Variants in ASTN1 observed in about 807,000 individuals in gnomAD.
ASTN1 encodes astrotactin 1.
A neutral mutation model predicts 140.7 loss-of-function variants in ASTN1; 41 were observed. That is an observed-to-expected ratio of 0.29 (90% CI 0.23 to 0.38). The LOEUF (loss-of-function observed/expected upper bound fraction) is 0.38. Among genes scored for constraint, ASTN1 ranks in the 10% least tolerant of loss-of-function variants. The probability of loss-of-function intolerance (pLI) is 1.00; values close to 1 mark genes in which losing one functional copy is unlikely to be tolerated. For synonymous variants in ASTN1, 640 were observed against 652.2 expected, an observed-to-expected ratio of 0.98 and a Z score of 0.29; for missense variants, 1,479 against 1,678.8, an observed-to-expected ratio of 0.88 and a Z score of 2.08.
At chr1:176,939,044 G>T (rs1315852643) in intron 14 of ASTN1, among the ~76,000 whole-genome samples, 1 of 151,954 alleles carries the variant, frequency 6.6e-6, no homozygotes, top group Non-Finnish European at 1.5e-5. Context: ...CCCAGGGGGC[G>T]GAGGTTGCAG....
At chr1:177,127,048 A>G (rs1681690176) in intron 1 of ASTN1, among the ~76,000 whole-genome samples, 1 of 152,204 alleles carries the variant, frequency 6.6e-6, no homozygotes, top group South Asian at 2.1e-4. Context: ...TAAGCATAAA[A>G]GGCTTTTAGA....
rs574616316 is a variant in ASTN1, at chr1:177,052,481, G to T, written c.471+8597C>A. Among the ~76,000 whole-genome samples, 4 of 152,260 alleles carry T rather than the reference G, an allele frequency of 2.6e-5. No homozygotes were observed. In the South Asian group the frequency reaches 8.3e-4, roughly 32 times the overall value. Reference sequence around the variant, plus strand: ...TGAGTTTAGAGTGATTAAGCAATTTGTCCAAGGTCAACAAAAAGATCGAGT... The same window carrying T: ...TGAGTTTAGAGTGATTAAGCAATTTTTCCAAGGTCAACAAAAAGATCGAGT... On this transcript the variant is annotated intron_variant, in intron 2 of 22. Transcript: ENST00000361833.
intron 8 of ASTN1, among the ~76,000 whole-genome samples, chr1:176,992,367 G>A (rs1024388666): frequency 5.9e-5 from 9 of 151,774 alleles, no homozygotes; most frequent in Non-Finnish European, 1.0e-4. Flanking sequence ...TGGAGGAGAT[G>A]AGCGAATATT....
intron 8 of ASTN1, among the ~76,000 whole-genome samples, chr1:177,004,317 T>C (rs1214030474): frequency 6.6e-6 from 1 of 151,848 alleles, no homozygotes; most frequent in Non-Finnish European, 1.5e-5. Flanking sequence ...AAAGAAATCA[T>C]ACAAGACACA....
chr1:176,983,272 G>GA (rs1232895680), intron 8 of ASTN1, among the ~76,000 whole-genome samples: 1 of 152,122 alleles, frequency 6.6e-6, no homozygotes, highest in African/African-American at 2.4e-5. Flanking sequence ...GTCATGACAA[G>GA]CCCCTGGAGA....
chr1:177,086,281 A>AT (rs1281442155), intron 1 of ASTN1, among the ~76,000 whole-genome samples: 11 of 2,016 alleles, frequency 5.5e-3, no homozygotes, highest in Non-Finnish European at 0.012. Context: ...TCATGAATCC[A>AT]TTTAAAAAAC....
downstream of ASTN1, among the ~76,000 whole-genome samples, chr1:176,858,570 G>C (rs963719998): frequency 2.6e-5 from 4 of 152,126 alleles, no homozygotes; most frequent in Admixed American, 2.0e-4. Context: ...TTGAACATAC[G>C]GAGTGAGAGT....
chr1:176,961,314 C>T (rs1469901968), intron 9 of ASTN1, among the ~76,000 whole-genome samples: 1 of 152,158 alleles, frequency 6.6e-6, no homozygotes, highest in African/African-American at 2.4e-5. Flanking sequence ...GAGAAACCTC[C>T]TATGTGCAGA....
chr1:176,920,967 G>A (rs569184254), intron 16 of ASTN1, among the ~76,000 whole-genome samples: 1 of 152,300 alleles, frequency 6.6e-6, no homozygotes, highest in South Asian at 2.1e-4. Context: ...TAAAGACAAA[G>A]TTTATCTGGA....
intron 7 of ASTN1, among the ~76,000 whole-genome samples, chr1:177,022,923 T>G (rs1292808657): frequency 9.2e-5 from 14 of 152,164 alleles, no homozygotes; most frequent in Admixed American, 7.9e-4. Context: ...CTTAGTATGC[T>G]TCTAGGAAGC....
intron 2 of ASTN1, among the ~76,000 whole-genome samples, chr1:177,045,840 C>T (rs976789725): frequency 6.6e-6 from 1 of 152,100 alleles, no homozygotes; most frequent in Non-Finnish European, 1.5e-5. Flanking sequence ...CCAGAGAAGT[C>T]AAAACTTGTA....
At chr1:177,008,552 G>A (rs996814564) in intron 8 of ASTN1, among the ~76,000 whole-genome samples, 3 of 144,772 alleles carry the variant, frequency 2.1e-5, no homozygotes, top group African/African-American at 7.7e-5. Context: ...AGAGGGAGAG[G>A]AAGAGCAAGA....
At chr1:177,040,509 T>C (rs1382957430) in intron 2 of ASTN1, among the ~76,000 whole-genome samples, 1 of 152,120 alleles carries the variant, frequency 6.6e-6, no homozygotes, top group Non-Finnish European at 1.5e-5. Flanking sequence ...CCCAACTCTG[T>C]CTCAATAAAA....
intron 1 of ASTN1, among the ~76,000 whole-genome samples, chr1:177,103,031 TAAC>T (rs1237273225): frequency 2.6e-5 from 4 of 152,338 alleles, no homozygotes; most frequent in African/African-American, 9.6e-5. Flanking sequence ...AAAAGGATGA[TAAC>T]AACACCTACC....
chr1:177,003,844 A>C (rs1185559084), intron 8 of ASTN1, among the ~76,000 whole-genome samples: 7 of 152,076 alleles, frequency 4.6e-5, no homozygotes, highest in Non-Finnish European at 4.4e-5. Context: ...AAAGAAAAGA[A>C]AGGAAAACCC....
At chr1:177,116,023 G>A (rs1288464998) in intron 1 of ASTN1, among the ~76,000 whole-genome samples, 1 of 152,124 alleles carries the variant, frequency 6.6e-6, no homozygotes, top group Non-Finnish European at 1.5e-5. Context: ...TGAGGTAAAA[G>A]GTCCAAAACC....
At position 176,888,186 on chromosome 1, in the gene ASTN1, T is replaced by C. The variant is rs1381872209; in HGVS notation, c.2959A>G (p.Met987Val). The stretch of plus-strand genomic sequence containing the variant: ...GTCCCTGAGCACCAGAGAGAGCTCA[T>C]GGTAGCCTCCTGCAAGAGCTGCATA... ...QTQRLLQEATMSSLWCSGTGD... is the reference protein window; with the variant it reads ...QTQRLLQEATVSSLWCSGTGD... The change falls in exon 18 of 23, where the codon ATG becomes GTG. Residue 987 changes from methionine to valine, a missense_variant. Physicochemically the swap from Met to Val is conservative, Grantham distance 21 (BLOSUM62 1). Transcript: ENST00000361833. 1 of 1,614,006 alleles carries C rather than the reference T, an allele frequency of 6.2e-7. No individual in the cohort carries two copies. Among genetic ancestry groups the C allele is most frequent in the Non-Finnish European group, 8.5e-7 (1 of 1,179,992 alleles).
chr1:176,975,635 T>C (rs959375772), intron 8 of ASTN1, among the ~76,000 whole-genome samples: 1 of 152,220 alleles, frequency 6.6e-6, no homozygotes, highest in African/African-American at 2.4e-5. Flanking sequence ...TACACAGTGT[T>C]GTATTAGAGT....
At chr1:177,076,579 T>C (rs1189307594) in intron 1 of ASTN1, among the ~76,000 whole-genome samples, 2 of 151,580 alleles carry the variant, frequency 1.3e-5, no homozygotes, top group African/African-American at 4.8e-5. Context: ...TGGAGTGCAG[T>C]GGCAAGATCT....
Sources: gnomAD v4.1 joint callset for allele counts (sites outside exome capture counted in the v4.1 genomes callset) on GRCh38, gnomAD v4.1.1 for gene constraint, MANE v1.5 for transcripts, NCBI Gene and HGNC (gene_info 2026-07-23, HGNC 2026-07-21) for gene names.